BLTP3A: variants seen among roughly 807,000 people sequenced by gnomAD.
The protein encoded by BLTP3A is ICBP90 binding protein 1.
At chr6:34,821,231 C>T in the BLTP3A span, among the ~76,000 whole-genome samples, 38 of 151,654 alleles carry the variant, frequency 2.5e-4, no homozygotes, top group Non-Finnish European at 2.2e-4. Flanking sequence ...GCTGGGATTA[C>T]AGGCGTGAGC....
At chr6:34,803,224 T>A in the BLTP3A span, among the ~76,000 whole-genome samples, 1 of 150,766 alleles carries the variant, frequency 6.6e-6, no homozygotes, top group Non-Finnish European at 1.5e-5. Flanking sequence ...AAGAGAGGCA[T>A]TGTAAAGTTA....
At chr6:34,803,158 T>C in the BLTP3A span, among the ~76,000 whole-genome samples, 3 of 151,768 alleles carry the variant, frequency 2.0e-5, no homozygotes, top group East Asian at 5.8e-4. Context: ...CACTCCAGCC[T>C]GAGCAACAGA....
At chr6:34,816,117 A>G in the BLTP3A span, among the ~76,000 whole-genome samples, 1 of 152,222 alleles carries the variant, frequency 6.6e-6, no homozygotes, top group Non-Finnish European at 1.5e-5. Flanking sequence ...AACTGTAAAT[A>G]GAGTTAGATT....
chr6:34,809,799 A>G, the BLTP3A span, among the ~76,000 whole-genome samples: 21,141 of 152,026 alleles, frequency 0.14, 1,978 homozygotes, highest in Non-Finnish European at 0.2. Context: ...CATGTGATCC[A>G]CCTGCCTTGG....
the BLTP3A span, chr6:34,855,885 G>T: frequency 1.0e-6 from 1 of 985,396 alleles, no homozygotes; most frequent in Non-Finnish European, 1.2e-6. Context: ...CACTATTGAT[G>T]ATTCTTTATC....
At chr6:34,847,724 C>G in the BLTP3A span, among the ~76,000 whole-genome samples, 1 of 146,058 alleles carries the variant, frequency 6.8e-6, no homozygotes, top group Admixed American at 6.8e-5. Flanking sequence ...TTTTGTTTAT[C>G]TTTTCAAAAA....
At chr6:34,867,222 C>G in the BLTP3A span, 1 of 1,601,414 alleles carries the variant, frequency 6.2e-7, no homozygotes, top group Non-Finnish European at 8.5e-7. Context: ...CTTTTTCATG[C>G]AGAGTCTGGT....
the BLTP3A span, among the ~76,000 whole-genome samples, chr6:34,803,802 A>G: frequency 6.6e-6 from 1 of 151,626 alleles, no homozygotes; most frequent in Non-Finnish European, 1.5e-5. Flanking sequence ...AGAAAATCCG[A>G]GTAAGGAGGG....
chr6:34,847,183 G>A, the BLTP3A span, among the ~76,000 whole-genome samples: 1 of 151,334 alleles, frequency 6.6e-6, no homozygotes, highest in Non-Finnish European at 1.5e-5. Context: ...GAGGATTTTT[G>A]CATCAGTGTT....
the BLTP3A span, among the ~76,000 whole-genome samples, chr6:34,818,079 C>T: frequency 6.6e-6 from 1 of 151,968 alleles, no homozygotes; most frequent in Non-Finnish European, 1.5e-5. Flanking sequence ...AGGATGGTCT[C>T]GATCTCCTGA....
the BLTP3A span, among the ~76,000 whole-genome samples, chr6:34,826,688 T>A: frequency 6.6e-6 from 1 of 152,196 alleles, no homozygotes; most frequent in Non-Finnish European, 1.5e-5. Flanking sequence ...TTATACATGT[T>A]TTTTTTGTAT....
At chr6:34,833,138 C>T in the BLTP3A span, among the ~76,000 whole-genome samples, 4 of 152,108 alleles carry the variant, frequency 2.6e-5, no homozygotes, top group Non-Finnish European at 5.9e-5. Flanking sequence ...CATGCATATG[C>T]GGATTTTTTT....
the BLTP3A span, among the ~76,000 whole-genome samples, chr6:34,829,340 A>G: frequency 1.8e-3 from 268 of 152,202 alleles, 2 homozygotes; most frequent in African/African-American, 6.0e-3. Flanking sequence ...GAAATCATAC[A>G]CTGTGTGGTC....
chr6:34,792,376 G>T, the BLTP3A span: 1 of 1,363,168 alleles, frequency 7.3e-7, no homozygotes, highest in Non-Finnish European at 9.8e-7. Flanking sequence ...CGCGCTCCGG[G>T]CCCAGTCTGC....
At chr6:34,867,216 T>G in the BLTP3A span, 2 of 1,599,712 alleles carry the variant, frequency 1.3e-6, no homozygotes, top group Non-Finnish European at 1.7e-6. Flanking sequence ...TGTCCTCTTT[T>G]TCATGCAGAG....
At chr6:34,826,826 G>A in the BLTP3A span, among the ~76,000 whole-genome samples, 920 of 152,212 alleles carry the variant, frequency 6.0e-3, 8 homozygotes, top group South Asian at 0.026. Context: ...CTTTTAGATA[G>A]AATAAGATGT....
chr6:34,853,075 T>A, the BLTP3A span, among the ~76,000 whole-genome samples: 1 of 152,358 alleles, frequency 6.6e-6, no homozygotes, highest in Non-Finnish European at 1.5e-5. Flanking sequence ...AAACTGTCTT[T>A]TCTACCTTCT....
chr6:34,856,515 G>A, the BLTP3A span: 1 of 1,410,916 alleles, frequency 7.1e-7, no homozygotes, highest in Non-Finnish European at 9.6e-7. Context: ...CCAGCTGTAT[G>A]TAATGGAGAG....
At chr6:34,793,092 G>A in the BLTP3A span, among the ~76,000 whole-genome samples, 2 of 152,166 alleles carry the variant, frequency 1.3e-5, no homozygotes, top group African/African-American at 4.8e-5. Context: ...AACCAACAAC[G>A]TCCGCTTCTG....
Sources: gnomAD v4.1 joint callset for allele counts (sites outside exome capture counted in the v4.1 genomes callset) on GRCh38, gnomAD v4.1.1 for gene constraint, MANE v1.5 for transcripts, NCBI Gene and HGNC (gene_info 2026-07-23, HGNC 2026-07-21) for gene names.